The following KANSL1 variants were observed in gnomAD, a reference collection of about 807,000 sequenced individuals.
The protein encoded by KANSL1 is KAT8 regulatory NSL complex subunit 1.
A neutral mutation model predicts 103.6 loss-of-function variants in KANSL1; 22 were observed. The observed-to-expected ratio is 0.21, with a 90% CI of 0.15 to 0.30. The LOEUF is 0.30. Among genes scored for constraint, KANSL1 ranks in the 10% least tolerant of loss-of-function variants. The pLI is 1.00. For synonymous variants in KANSL1, 600 were observed against 527.6 expected (o/e 1.14, Z -1.88); for missense variants, 1,337 against 1,399.8 (o/e 0.96, Z 0.72).
chr17:46,172,596 ACAT>A (rs1244447845), intron 1 of KANSL1, among the ~76,000 whole-genome samples: 1 of 152,276 alleles, frequency 6.6e-6, no homozygotes, highest in African/African-American at 2.4e-5. Context: ...AAAGCAAGAC[ACAT>A]CAAACTAAGC....
rs2077092865 is a variant in KANSL1, at chr17:46,034,443, T to C, written c.2542-158A>G. The C allele has an allele frequency of 5.9e-6, 4 of 679,414 alleles. No individual in the cohort carries two copies. The Admixed American group carries it at 9.2e-5, about 16-fold the overall frequency. The allele number at this position is 679,414 out of a possible 1,614,324, so 42.1% of individuals were successfully genotyped here. On this transcript the variant is annotated intron_variant, in intron 10 of 14. Transcript: ENST00000432791. ...GCAGCTGCTCCCACCTAGGAGTCAG[T>C]CTCCAACAGCAAAAAACCTCACGGA...
intron 1 of KANSL1, among the ~76,000 whole-genome samples, chr17:46,206,614 T>C (rs1296219999): frequency 6.6e-6 from 1 of 152,186 alleles, no homozygotes; most frequent in Non-Finnish European, 1.5e-5. Context: ...CAACTGAATA[T>C]TCACATGCAG....
At chr17:46,123,095 G>A (rs1196227330) in intron 2 of KANSL1, among the ~76,000 whole-genome samples, 1 of 152,246 alleles carries the variant, frequency 6.6e-6, no homozygotes, top group Non-Finnish European at 1.5e-5. Context: ...TTTTTTTAGA[G>A]ACGGGGCGCA....
At chr17:46,091,039 G>T (rs2079366567) in intron 3 of KANSL1, among the ~76,000 whole-genome samples, 1 of 152,212 alleles carries the variant, frequency 6.6e-6, no homozygotes, top group Admixed American at 6.5e-5. Flanking sequence ...CCTCCAGCAG[G>T]TCCTTCTGTT....
chr17:46,091,187 T>C (rs1362390480), intron 3 of KANSL1, among the ~76,000 whole-genome samples: 6 of 152,208 alleles, frequency 3.9e-5, no homozygotes, highest in Non-Finnish European at 5.9e-5. Context: ...TGTGTGTTTG[T>C]GTCTTAGTTT....
intron 1 of KANSL1, among the ~76,000 whole-genome samples, chr17:46,209,244 T>C (rs2048081746): frequency 6.6e-6 from 1 of 152,062 alleles, no homozygotes; most frequent in Admixed American, 6.5e-5. Context: ...AAAAGCTCGA[T>C]GCCAAATAAA....
At chr17:46,195,730 ACTC>A (rs1185633681), upstream of KANSL1, among the ~76,000 whole-genome samples, 2 of 150,784 alleles carry the variant, frequency 1.3e-5, no homozygotes, top group Non-Finnish European at 3.0e-5. Context: ...TATTTTTTTC[ACTC>A]CTTTTTGTTT....
intron 7 of KANSL1, among the ~76,000 whole-genome samples, chr17:46,047,546 A>G (rs1002788077): frequency 3.3e-5 from 5 of 152,182 alleles, no homozygotes; most frequent in Admixed American, 3.3e-4. Flanking sequence ...CAGCACTTTG[A>G]GAGGCCAAGA....
At chr17:46,162,191 T>C (rs1195960125) in intron 2 of KANSL1, among the ~76,000 whole-genome samples, 4 of 152,234 alleles carry the variant, frequency 2.6e-5, no homozygotes, top group Non-Finnish European at 5.9e-5. Flanking sequence ...AATAGAAAAT[T>C]GGAGAAAGAT....
At chr17:46,048,168 A>G (rs1456222039) in intron 7 of KANSL1, among the ~76,000 whole-genome samples, 1 of 152,070 alleles carries the variant, frequency 6.6e-6, no homozygotes, top group African/African-American at 2.4e-5. Context: ...ACGGCCTCCA[A>G]AAGTGCCAGG....
intron 3 of KANSL1, among the ~76,000 whole-genome samples, chr17:46,083,985 TCA>T (rs2079070673): frequency 6.6e-6 from 1 of 152,130 alleles, no homozygotes; most frequent in Admixed American, 6.6e-5. Context: ...GAATTTTATT[TCA>T]GTTTTTAAAA....
At chr17:46,202,783 A>G (rs1227299944) in intron 1 of KANSL1, among the ~76,000 whole-genome samples, 1 of 152,242 alleles carries the variant, frequency 6.6e-6, no homozygotes, top group Non-Finnish European at 1.5e-5. Flanking sequence ...ATTATAGAAT[A>G]TAATATTCAA....
chr17:46,110,551 G>C (rs1470445294), intron 2 of KANSL1, among the ~76,000 whole-genome samples: 1 of 152,174 alleles, frequency 6.6e-6, no homozygotes, highest in African/African-American at 2.4e-5. Context: ...TTTGTTAACA[G>C]TTGGAATATA....
intron 6 of KANSL1, among the ~76,000 whole-genome samples, chr17:46,058,883 C>G (rs2078042151): frequency 6.6e-6 from 1 of 151,822 alleles, no homozygotes; most frequent in African/African-American, 2.4e-5. Context: ...GAAAACCCAT[C>G]TCTACTAAAA....
chr17:46,106,148 A>G (rs759145975), intron 2 of KANSL1, among the ~76,000 whole-genome samples: 1 of 152,200 alleles, frequency 6.6e-6, no homozygotes, highest in Non-Finnish European at 1.5e-5. Flanking sequence ...ATTGGAAAAG[A>G]GTATGGTGTC....
chr17:46,090,497 TA>T (rs1461709094), intron 3 of KANSL1, among the ~76,000 whole-genome samples: 1 of 152,206 alleles, frequency 6.6e-6, no homozygotes, highest in Non-Finnish European at 1.5e-5. Flanking sequence ...CTCTGAGAAG[TA>T]AAAGATTATC....
chr17:46,084,219 T>A (rs2079079634), intron 3 of KANSL1, among the ~76,000 whole-genome samples: 1 of 151,930 alleles, frequency 6.6e-6, no homozygotes, highest in Non-Finnish European at 1.5e-5. Flanking sequence ...CCATCTTTAC[T>A]AAAAATACAA....
chr17:46,167,269 A>AG (rs1360922313), intron 2 of KANSL1, among the ~76,000 whole-genome samples: 1 of 151,006 alleles, frequency 6.6e-6, no homozygotes, highest in Non-Finnish European at 1.5e-5. Flanking sequence ...ACAAAATTGC[A>AG]GGGAAAAAAA....
intron 2 of KANSL1, among the ~76,000 whole-genome samples, chr17:46,118,517 G>A (rs1236883119): frequency 1.3e-5 from 2 of 152,184 alleles, no homozygotes; most frequent in Non-Finnish European, 2.9e-5. Flanking sequence ...AACGCTGATT[G>A]GTGGGCCCCA....
Sources: allele counts gnomAD v4.1 joint callset (sites outside exome capture counted in the v4.1 genomes callset), GRCh38; gene constraint gnomAD v4.1.1; transcripts MANE v1.5; gene names NCBI Gene and HGNC (gene_info 2026-07-23, HGNC 2026-07-21).